The following NRG1 variants were observed in gnomAD, a reference collection of about 807,000 sequenced individuals.
NRG1 encodes the protein neuregulin 1, also known as pro-neuregulin-1, membrane-bound isoform.
A neutral mutation model predicts 63.8 loss-of-function variants in NRG1; 18 were observed. That is an observed-to-expected ratio of 0.28 (90% CI 0.19 to 0.42). The LOEUF (loss-of-function observed/expected upper bound fraction) is 0.42, where lower values mean the gene tolerates loss of function less well. Ranked by LOEUF, NRG1 falls within the 10% of genes least tolerant of loss-of-function variation. The probability of loss-of-function intolerance (pLI) is 1.00; values close to 1 mark genes in which losing one functional copy is unlikely to be tolerated. For synonymous variants in NRG1, 302 were observed against 301.3 expected (o/e 1.00, Z -0.02); for missense variants, 762 against 814.7 (o/e 0.94, Z 0.79).
intron 1 of NRG1, among the ~76,000 whole-genome samples, chr8:31,918,479 G>A (rs187227590): frequency 5.8e-4 from 89 of 152,218 alleles, no homozygotes; most frequent in Non-Finnish European, 1.1e-3. Context: ...TTTGTCTTTG[G>A]CTCTGTTTAT....
intron 9 of NRG1, among the ~76,000 whole-genome samples, chr8:32,757,786 C>T (rs1486513558): frequency 1.3e-5 from 2 of 152,170 alleles, no homozygotes; most frequent in East Asian, 1.9e-4. Context: ...AAAATAATAC[C>T]TACTTCAGAG....
chr8:32,593,546 C>T (rs1842857776), intron 1 of NRG1, among the ~76,000 whole-genome samples: 1 of 151,898 alleles, frequency 6.6e-6, no homozygotes, highest in Admixed American at 6.6e-5. Flanking sequence ...TCCAGTTACT[C>T]AGGAGGCTGA....
At chr8:32,010,306 T>C (rs368490159) in intron 1 of NRG1, among the ~76,000 whole-genome samples, 8 of 152,096 alleles carry the variant, frequency 5.3e-5, no homozygotes, top group African/African-American at 1.4e-4. Flanking sequence ...GTAATATACA[T>C]GGAATATGCC....
At chr8:31,924,184 C>A (rs908950476) in intron 1 of NRG1, among the ~76,000 whole-genome samples, 14 of 151,214 alleles carry the variant, frequency 9.3e-5, no homozygotes, top group Middle Eastern at 3.2e-3. Context: ...GAAACCCTGT[C>A]TCTACTGAAA....
intron 1 of NRG1, among the ~76,000 whole-genome samples, chr8:31,702,450 CA>C (rs1358560431): frequency 5.3e-5 from 6 of 112,184 alleles, no homozygotes; most frequent in African/African-American, 8.2e-5. Context: ...TTTCCCATAA[CA>C]TTTTTTTTTT....
intron 1 of NRG1, among the ~76,000 whole-genome samples, chr8:32,566,228 G>A (rs1167020797): frequency 6.6e-6 from 1 of 151,388 alleles, no homozygotes; most frequent in Non-Finnish European, 1.5e-5. Flanking sequence ...CTGGTGGTGG[G>A]TGCCAATAAT....
chr8:32,650,655 C>CAA lies in NRG1; in HGVS notation c.502+33795_502+33796dup, dbSNP rs59103241. 4.9e-3 allele frequency among the ~76,000 whole-genome samples: 284 copies of CAA among 57,822 alleles called. 19 individuals carry two copies. The highest frequency in any genetic ancestry group is 0.019 in the African/African-American group (258 of 13,772). 37.9% of individuals were successfully genotyped at this position (57,822 alleles called of 152,430 possible). The stretch of plus-strand genomic sequence containing the variant: ...GTTGTAACCACTAATTAATGGAAAG[C>CAA]AAAAAAAAAAAAAAAAAAAAAAAAA... On this transcript the variant is annotated intron_variant, in intron 5 of 11. Transcript: ENST00000356819.
intron 1 of NRG1, among the ~76,000 whole-genome samples, chr8:31,843,148 C>T (rs1826353454): frequency 6.6e-6 from 1 of 151,994 alleles, no homozygotes; most frequent in African/African-American, 2.4e-5. Context: ...TATTGAATTT[C>T]AGTGAACCTT....
rs117643786 is a variant in NRG1 at position 31,840,594 on chromosome 8, C to A, written c.37+201163C>A. ...TTATGCGTGGTACTTGATCCATAAT[C>A]TTCTGCCCCCATGTCATAGAAGATA... On this transcript the variant is annotated intron_variant, in intron 1 of 10. Transcript: ENST00000519301. Among the ~76,000 whole-genome samples, 474 of 152,158 alleles carry A rather than the reference C, an allele frequency of 3.1e-3. 1 individual carries two copies. Among genetic ancestry groups the A allele is most frequent in the Non-Finnish European group, 5.8e-3 (394 of 68,000 alleles).
rs1283327478 is a variant in NRG1, at chr8:31,640,301, G to A, written c.37+870G>A. 9 of 1,137,792 alleles carry A rather than the reference G, an allele frequency of 7.9e-6. No homozygotes were observed. In the East Asian group the frequency reaches 2.6e-4, roughly 33 times the overall value. 70.5% of individuals were successfully genotyped at this position (1,137,792 alleles called of 1,614,324 possible). Reference sequence around the variant, plus strand: ...GACAGGAAGGCGGCGGCGGCGGCGGGCGAGGCAGGGGCGTGGGGCGGCGAT... The same window carrying A: ...GACAGGAAGGCGGCGGCGGCGGCGGACGAGGCAGGGGCGTGGGGCGGCGAT... On this transcript the variant is annotated intron_variant, in intron 1 of 10. Coordinates refer to the NRG1 transcript ENST00000519301. The surrounding 1 kb of genome is among the most constrained non-coding windows in gnomAD (Gnocchi z 6.3).
chr8:31,776,784 C>A (rs889749418), intron 1 of NRG1, among the ~76,000 whole-genome samples: 4 of 152,076 alleles, frequency 2.6e-5, no homozygotes, highest in Middle Eastern at 3.4e-3. Flanking sequence ...TGGGAACATG[C>A]GGTGTTTGGT....
chr8:32,702,848 G>A (rs1589294227), intron 5 of NRG1, among the ~76,000 whole-genome samples: 1 of 152,280 alleles, frequency 6.6e-6, no homozygotes, highest in South Asian at 2.1e-4. Flanking sequence ...TCAAGAAAAT[G>A]AGGTGAATGA....
chr8:31,770,197 G>A (rs565978867), intron 1 of NRG1, among the ~76,000 whole-genome samples: 47 of 152,230 alleles, frequency 3.1e-4, no homozygotes, highest in African/African-American at 9.1e-4. Context: ...ACATTGTGCC[G>A]CCTGTGCCTT....
chr8:31,652,983 TCCTCTCCTCTCCTCTCCTCTCCTCC>T (rs1205415180), intron 1 of NRG1, among the ~76,000 whole-genome samples: 10 of 27,268 alleles, frequency 3.7e-4, no homozygotes, highest in Admixed American at 1.7e-3. Flanking sequence ...TCCTCTCCTC[TCCTCTCCTCTCCTCTCCTCTCCTCC>T]CCTCCCCTCC....
intron 1 of NRG1, among the ~76,000 whole-genome samples, chr8:31,944,359 C>A (rs1247384907): frequency 6.6e-6 from 1 of 152,134 alleles, no homozygotes; most frequent in Non-Finnish European, 1.5e-5. Context: ...GGAATACATA[C>A]TATTATTGTC....
chr8:32,333,047 A>G (rs1802835673), intron 1 of NRG1, among the ~76,000 whole-genome samples: 1 of 152,194 alleles, frequency 6.6e-6, no homozygotes, highest in Admixed American at 6.5e-5. Flanking sequence ...ATACACAGTA[A>G]TTAAATGGGA....
At chr8:32,552,395 T>C (rs577782569) in intron 1 of NRG1, among the ~76,000 whole-genome samples, 89 of 152,250 alleles carry the variant, frequency 5.8e-4, no homozygotes, top group African/African-American at 2.1e-3. Context: ...AGAACTATCC[T>C]GTCTCCCTTC....
chr8:31,679,318 A>G (rs1420418006), intron 1 of NRG1, among the ~76,000 whole-genome samples: 4 of 152,106 alleles, frequency 2.6e-5, no homozygotes, highest in African/African-American at 9.7e-5. Context: ...ATCAATATGT[A>G]AGATACTATG....
At chr8:32,248,971 G>T (rs11786556) in intron 1 of NRG1, among the ~76,000 whole-genome samples, 105,461 of 151,890 alleles carry the variant, frequency 0.69, 37,163 homozygotes, top group African/African-American at 0.79. Context: ...TCCTACAAGA[G>T]ACAGCTTTTT....
Sources: gnomAD v4.1 joint callset for allele counts (sites outside exome capture counted in the v4.1 genomes callset) on GRCh38, gnomAD v4.1.1 for gene constraint, Gnocchi (gnomAD v3.1) non-coding constraint, MANE v1.5 for transcripts, NCBI Gene and HGNC (gene_info 2026-07-23, HGNC 2026-07-21) for gene names.